PTPRK: variants seen among roughly 807,000 people sequenced by gnomAD.
The protein encoded by PTPRK is protein tyrosine phosphatase receptor type K, also known as receptor-type tyrosine-protein phosphatase kappa.
A neutral mutation model predicts 178.0 loss-of-function variants in PTPRK; 75 were observed. That is an observed-to-expected ratio of 0.42 (90% CI 0.35 to 0.51). The LOEUF (loss-of-function observed/expected upper bound fraction) is 0.51, where lower values mean the gene tolerates loss of function less well. Among genes scored for constraint, PTPRK ranks in the 20% least tolerant of loss-of-function variants. PTPRK has a pLI of 0.02. For synonymous variants in PTPRK, 637 were observed against 620.6 expected, an observed-to-expected ratio of 1.03 and a Z score of -0.39; for missense variants, 1,441 against 1,797.8, an observed-to-expected ratio of 0.80 and a Z score of 3.59.
rs1438073659 is a variant in PTPRK at position 128,322,050 on chromosome 6, TG to T, written c.483del (p.Asn162MetfsTer5). 6.2e-7 allele frequency: 1 copy of T among 1,613,878 alleles called. No homozygotes were observed. Among genetic ancestry groups the T allele is most frequent in the Non-Finnish European group, 8.5e-7 (1 of 1,179,882 alleles). ...GTACAGATGATTACCTGATATTCAT[TG>T]GGCCAAAAGGTGCTCACTGCTAGCT... ...RAELAVSTFW[P>X]NEYQVIFEAE... On this transcript the variant is annotated frameshift_variant, in exon 3 of 30. Coordinates refer to ENST00000368226, the MANE Select transcript of PTPRK (RefSeq NM_002844.4). LOFTEE classifies it high-confidence loss of function.
chr6:128,165,566 A>T (rs1562708473), intron 7 of PTPRK, among the ~76,000 whole-genome samples: 2 of 151,142 alleles, frequency 1.3e-5, no homozygotes, highest in Non-Finnish European at 3.0e-5. Flanking sequence ...CTATATAAAT[A>T]TGTAATAAGT....
rs1779687903 is a variant in PTPRK at position 128,017,251 on chromosome 6, G to A, written c.2195-7983C>T. On this transcript the variant is annotated intron_variant, in intron 13 of 29. Coordinates refer to ENST00000368226, the MANE Select transcript of PTPRK (RefSeq NM_002844.4). ...GTTTAGTTATTCCTGATAGCATCTT[G>A]TTAATCTTTATGATTTGCACTTTAT... Among the ~76,000 whole-genome samples, 5 of 151,964 alleles carry A rather than the reference G, an allele frequency of 3.3e-5. 1 individual carries two copies. In the South Asian group the frequency reaches 1.0e-3, roughly 32 times the overall value.
At position 127,991,314 on chromosome 6, in the gene PTPRK, T is replaced by G; in HGVS notation, c.2959A>C (p.Asn987His). The G allele has an allele frequency of 2.5e-6, 4 of 1,594,834 alleles. No homozygotes were observed. Among genetic ancestry groups the G allele is most frequent in the Non-Finnish European group, 3.4e-6 (4 of 1,171,350 alleles). Residue 987 changes from asparagine (N) to histidine (H), a missense_variant, in exon 20 of 30, where the codon AAT becomes CAT. This residue lies in a region of PTPRK where 945 missense variants were observed against 1,080.6 expected (regional missense o/e 0.87). Coordinates refer to ENST00000368226, the MANE Select transcript of PTPRK (RefSeq NM_002844.4). Reference protein sequence around the residue: ...EQSACIVMVTNLVEVGRVKCY... With the variant: ...EQSACIVMVTHLVEVGRVKCY... The stretch of plus-strand genomic sequence containing the variant: ...CTTACCCGGCCAACCTCAACTAAAT[T>G]TGTAACCATCACAATGCAAGCAGAT...
In PTPRK at chr6:128,048,493, T is replaced by C. The variant is rs1440588264; in HGVS notation, c.2194+16265A>G. 2.6e-5 allele frequency among the ~76,000 whole-genome samples: 4 copies of C among 152,192 alleles called. No homozygotes were observed. In the East Asian group the frequency reaches 7.7e-4, roughly 29 times the overall value. ...GCCCTCATTCCCTTCAGGTTTCTGC[T>C]GAAACATTACCTCACCAGCGAGACT... On this transcript the variant is annotated intron_variant, in intron 13 of 29. Coordinates refer to ENST00000368226, the MANE Select transcript of PTPRK (RefSeq NM_002844.4).
chr6:128,231,708 C>T (rs1047134141), intron 5 of PTPRK, among the ~76,000 whole-genome samples: 7 of 152,156 alleles, frequency 4.6e-5, no homozygotes, highest in African/African-American at 1.4e-4. Flanking sequence ...CTGAGGAACA[C>T]TTACATGAAA....
intron 5 of PTPRK, among the ~76,000 whole-genome samples, chr6:128,228,994 C>T (rs1811867104): frequency 1.3e-5 from 2 of 152,092 alleles, no homozygotes; most frequent in Middle Eastern, 6.8e-3. Flanking sequence ...GAATCAAGGG[C>T]ACAAAAAACT....
At chr6:128,408,516 A>G (rs1841959434) in intron 1 of PTPRK, among the ~76,000 whole-genome samples, 1 of 152,238 alleles carries the variant, frequency 6.6e-6, no homozygotes, top group African/African-American at 2.4e-5. Flanking sequence ...TTTGCAAAAA[A>G]GCAAAGGATT....
intron 11 of PTPRK, among the ~76,000 whole-genome samples, chr6:128,070,886 G>T (rs113386701): frequency 0.018 from 2,733 of 151,696 alleles, 88 homozygotes; most frequent in African/African-American, 0.063. Context: ...TTTATGAAAT[G>T]AATACATTGC....
At position 128,190,490 on chromosome 6, in the gene PTPRK, C is replaced by CTTTTTT. The variant is rs34873441; in HGVS notation, c.869-5771_869-5766dup. 1.3e-3 allele frequency among the ~76,000 whole-genome samples: 125 copies of CTTTTTT among 96,124 alleles called. 19 individuals are homozygous for CTTTTTT. The highest frequency in any genetic ancestry group is 4.7e-3 in the African/African-American group (89 of 18,972). The allele number at this position is 96,124 out of a possible 152,430, so 63.1% of individuals were successfully genotyped here. ...ACCCATCAATTCAAGTGATAGATAC[C>CTTTTTT]TTTTTTTTTTTTTTTTTTTTTTTTT... On this transcript the variant is annotated intron_variant, in intron 6 of 29. Coordinates refer to ENST00000368226, the MANE Select transcript of PTPRK (RefSeq NM_002844.4).
chr6:128,073,412 T>G (rs939631076), intron 11 of PTPRK, among the ~76,000 whole-genome samples: 15 of 152,038 alleles, frequency 9.9e-5, no homozygotes, highest in African/African-American at 3.6e-4. Context: ...GAATGCAGAG[T>G]GCTATTTTAT....
At chr6:128,265,117 A>G (rs1195284482) in intron 3 of PTPRK, among the ~76,000 whole-genome samples, 1 of 152,156 alleles carries the variant, frequency 6.6e-6, no homozygotes, top group Non-Finnish European at 1.5e-5. Flanking sequence ...CACATCTTAT[A>G]GATACTAAAA....
intron 7 of PTPRK, among the ~76,000 whole-genome samples, chr6:128,156,268 T>A (rs1185366471): frequency 6.6e-6 from 1 of 151,888 alleles, no homozygotes; most frequent in African/African-American, 2.4e-5. Flanking sequence ...GATAATAATC[T>A]GGAGAATAAA....
At chr6:128,332,554 T>C (rs1382483035) in intron 2 of PTPRK, among the ~76,000 whole-genome samples, 1 of 152,230 alleles carries the variant, frequency 6.6e-6, no homozygotes, top group African/African-American at 2.4e-5. Flanking sequence ...ACGTACTCAT[T>C]CCTTCTTCCA....
At chr6:128,171,775 T>C (rs1244518882) in intron 7 of PTPRK, among the ~76,000 whole-genome samples, 1 of 151,988 alleles carries the variant, frequency 6.6e-6, no homozygotes, top group Non-Finnish European at 1.5e-5. Flanking sequence ...TCTGGATGAA[T>C]TTCTTCATTA....
At chr6:128,119,381 A>G (rs919321658) in intron 7 of PTPRK, among the ~76,000 whole-genome samples, 4 of 152,146 alleles carry the variant, frequency 2.6e-5, no homozygotes, top group African/African-American at 4.8e-5. Context: ...TTACTCTCCA[A>G]TGAAGAATGC....
At chr6:128,094,636 A>G (rs79167309) in intron 7 of PTPRK, among the ~76,000 whole-genome samples, 1,678 of 152,274 alleles carry the variant, frequency 0.011, 29 homozygotes, top group African/African-American at 0.037. Context: ...GAAACTAAGG[A>G]GGCAAAGATC....
intron 7 of PTPRK, among the ~76,000 whole-genome samples, chr6:128,144,602 C>T (rs1414135869): frequency 6.6e-6 from 1 of 152,124 alleles, no homozygotes; most frequent in Non-Finnish European, 1.5e-5. Flanking sequence ...TCCATTCCCT[C>T]ACCTAGCACT....
At chr6:128,243,572 G>A (rs1814906616) in intron 3 of PTPRK, among the ~76,000 whole-genome samples, 1 of 150,422 alleles carries the variant, frequency 6.6e-6, no homozygotes, top group Admixed American at 6.7e-5. Context: ...TATAGTATCA[G>A]CTACTTCACA....
intron 2 of PTPRK, among the ~76,000 whole-genome samples, chr6:128,343,579 A>G (rs1158826553): frequency 6.6e-6 from 1 of 152,082 alleles, no homozygotes; most frequent in Non-Finnish European, 1.5e-5. Flanking sequence ...TCTAGCATTT[A>G]AAGACAAAAA....
Sources: allele counts gnomAD v4.1 joint callset (sites outside exome capture counted in the v4.1 genomes callset), GRCh38; gene constraint gnomAD v4.1.1; regional missense constraint gnomAD v4.1.1; transcripts MANE v1.5; gene names NCBI Gene and HGNC (gene_info 2026-07-23, HGNC 2026-07-21).